THSD4: variants seen among roughly 807,000 people sequenced by gnomAD.
THSD4 encodes the protein thrombospondin type 1 domain containing 4.
THSD4 carries 69 observed loss-of-function variants against 119.0 expected under a neutral mutation model. The observed-to-expected ratio is 0.58, with a 90% CI of 0.48 to 0.71. The LOEUF (loss-of-function observed/expected upper bound fraction) is 0.71, where lower values mean the gene tolerates loss of function less well. THSD4 is among the 30% of genes least tolerant of loss of function. The probability of loss-of-function intolerance (pLI) is 0.00; values close to 1 mark genes in which losing one functional copy is unlikely to be tolerated. For missense variants in THSD4, 1,393 were observed against 1,391.1 expected, an observed-to-expected ratio of 1.00 and a Z score of -0.02; for synonymous variants, 524 against 540.4, an observed-to-expected ratio of 0.97 and a Z score of 0.42.
intron 7 of THSD4, among the ~76,000 whole-genome samples, chr15:71,434,133 T>C (rs1201539669): frequency 6.6e-6 from 1 of 152,182 alleles, no homozygotes; most frequent in African/African-American, 2.4e-5. Flanking sequence ...GCTAGCTTTA[T>C]TTACCAAAGG....
chr15:71,596,238 C>A (rs1253350350), intron 7 of THSD4, among the ~76,000 whole-genome samples: 1 of 152,204 alleles, frequency 6.6e-6, no homozygotes, highest in Non-Finnish European at 1.5e-5. Flanking sequence ...GGGAGAGTGG[C>A]CTTCCACAAA....
Position 71,189,841 on chromosome 15 carries a change from T to G in THSD4, c.100-25194T>G, listed in dbSNP as rs2043652659. The stretch of plus-strand genomic sequence containing the variant: ...ACACAGATTCTGGGCTTCCACCCCT[T>G]GAGTGTCTGATGCAGGAGGCCTCTG... On this transcript the variant is annotated intron_variant, in intron 3 of 17. Coordinates refer to ENST00000261862, the MANE Select transcript of THSD4 (RefSeq NM_024817.3). 2.0e-5 allele frequency among the ~76,000 whole-genome samples: 3 copies of G among 152,192 alleles called. No homozygotes were observed. The South Asian group carries it at 6.2e-4, about 32-fold the overall frequency.
At chr15:71,702,207 G>A (rs1276148092) in intron 8 of THSD4, among the ~76,000 whole-genome samples, 1 of 152,102 alleles carries the variant, frequency 6.6e-6, no homozygotes, top group East Asian at 1.9e-4. Flanking sequence ...AGAACCACTG[G>A]ACCCTGCAGC....
chr15:71,673,054 G>A (rs1321058649), intron 8 of THSD4, among the ~76,000 whole-genome samples: 7 of 152,198 alleles, frequency 4.6e-5, no homozygotes, highest in Non-Finnish European at 8.8e-5. Context: ...AATAGTTTCA[G>A]AAGGAATGGT....
chr15:71,759,239 A>T (rs1382587592), intron 15 of THSD4, among the ~76,000 whole-genome samples: 1 of 152,196 alleles, frequency 6.6e-6, no homozygotes, highest in Non-Finnish European at 1.5e-5. Flanking sequence ...ATTCCCTTTA[A>T]TGTTTTTTAA....
chr15:71,424,780 G>A (rs2046848312), intron 7 of THSD4, among the ~76,000 whole-genome samples: 1 of 152,140 alleles, frequency 6.6e-6, no homozygotes, highest in South Asian at 2.1e-4. Flanking sequence ...GTTTTTAAGT[G>A]TTCCAAAATT....
intron 6 of THSD4, among the ~76,000 whole-genome samples, chr15:71,333,336 GC>G (rs2045451181): frequency 6.6e-6 from 1 of 152,062 alleles, no homozygotes; most frequent in South Asian, 2.1e-4. Context: ...TCAACCTAAA[GC>G]CCCCTTGTTA....
intron 8 of THSD4, among the ~76,000 whole-genome samples, chr15:71,696,544 C>T (rs1257906182): frequency 1.3e-5 from 2 of 152,122 alleles, no homozygotes; most frequent in Non-Finnish European, 2.9e-5. Flanking sequence ...TATAGCATAG[C>T]TATTATCAGT....
chr15:71,420,015 T>G (rs1276339345), intron 7 of THSD4, among the ~76,000 whole-genome samples: 1 of 108,538 alleles, frequency 9.2e-6, no homozygotes, highest in Non-Finnish European at 2.0e-5. Context: ...ATAGATTAAG[T>G]TTGATGTTTC....
At chr15:71,600,862 T>C (rs902359414) in intron 7 of THSD4, among the ~76,000 whole-genome samples, 2 of 151,940 alleles carry the variant, frequency 1.3e-5, no homozygotes, top group African/African-American at 4.8e-5. Context: ...TTCACCTGCC[T>C]CAGCCTCCTG....
chr15:71,409,905 T>G (rs968620692), intron 6 of THSD4, among the ~76,000 whole-genome samples: 3 of 152,198 alleles, frequency 2.0e-5, no homozygotes, highest in African/African-American at 7.2e-5. Flanking sequence ...TTTTTGTTTT[T>G]TTTACATACA....
At chr15:71,426,150 G>GCCAT (rs1187531440) in intron 7 of THSD4, among the ~76,000 whole-genome samples, 1 of 152,180 alleles carries the variant, frequency 6.6e-6, no homozygotes, top group Non-Finnish European at 1.5e-5. Flanking sequence ...CTGCGGCTCT[G>GCCAT]CCATCCACTC....
chr15:71,624,830 A>G (rs1045956870), intron 7 of THSD4, among the ~76,000 whole-genome samples: 11 of 152,302 alleles, frequency 7.2e-5, no homozygotes, highest in Non-Finnish European at 1.5e-4. Context: ...CTGTGCTAGG[A>G]TCATCTGGTG....
At chr15:71,170,600 A>C (rs2043349491) in intron 3 of THSD4, among the ~76,000 whole-genome samples, 1 of 152,246 alleles carries the variant, frequency 6.6e-6, no homozygotes, top group African/African-American at 2.4e-5. Context: ...AAGTATGGGA[A>C]TATAAAAATA....
In THSD4 at chr15:71,748,563, A is replaced by G; in HGVS notation, c.2384A>G (p.Lys795Arg). 1 of 1,614,208 alleles carries G rather than the reference A, an allele frequency of 6.2e-7. No individual in the cohort carries two copies. Among genetic ancestry groups the G allele is most frequent in the Non-Finnish European group, 8.5e-7 (1 of 1,180,032 alleles). ...IENCDMGPCAKSWFLTEWSER... is the reference protein window; with the variant it reads ...IENCDMGPCARSWFLTEWSER... Reference sequence around the variant, plus strand: ...AACTGCGACATGGGACCCTGTGCCAAGAGCTGGTTCCTCACCGAGTGGAGC... The same window carrying G: ...AACTGCGACATGGGACCCTGTGCCAGGAGCTGGTTCCTCACCGAGTGGAGC... The change falls in exon 14 of 18, where the codon AAG becomes AGG. Residue 795 changes from lysine to arginine, a missense_variant. Transcript: ENST00000261862.
intron 17 of THSD4, 77 bp from the exon 18 acceptor site, chr15:71,777,155 A>C: frequency 6.4e-7 from 1 of 1,570,216 alleles, no homozygotes; most frequent in Non-Finnish European, 8.8e-7. Flanking sequence ...AGCCACAGCC[A>C]CTGCCCTTTC....
At chr15:71,293,672 C>T (rs1360275629) in intron 6 of THSD4, among the ~76,000 whole-genome samples, 3 of 152,190 alleles carry the variant, frequency 2.0e-5, no homozygotes, top group South Asian at 2.1e-4. Flanking sequence ...TCAATTACAA[C>T]GCTTTCCTCT....
chr15:71,157,059 A>G (rs5024066), intron 3 of THSD4, among the ~76,000 whole-genome samples: 29,114 of 152,130 alleles, frequency 0.19, 3,467 homozygotes, highest in East Asian at 0.45. Flanking sequence ...TAGAATTATC[A>G]GGGTTGTTAA....
At chr15:71,579,998 G>A (rs529650755) in intron 7 of THSD4, among the ~76,000 whole-genome samples, 83 of 151,988 alleles carry the variant, frequency 5.5e-4, no homozygotes, top group Non-Finnish European at 1.1e-3. Flanking sequence ...AAATTACACT[G>A]TGACTAATTG....
Sources: allele counts gnomAD v4.1 joint callset (sites outside exome capture counted in the v4.1 genomes callset), GRCh38; gene constraint gnomAD v4.1.1; transcripts MANE v1.5; gene names NCBI Gene and HGNC (gene_info 2026-07-23, HGNC 2026-07-21).